The following RXFP2 variants were observed in gnomAD, a reference collection of about 807,000 sequenced individuals.
RXFP2 encodes the protein relaxin receptor 2.
Under a neutral mutation model 88.6 loss-of-function variants are expected in RXFP2, and 68 were observed. The observed-to-expected ratio is 0.77, with a 90% CI of 0.63 to 0.94. The LOEUF (loss-of-function observed/expected upper bound fraction) is 0.94. RXFP2 is among the 40% of genes least tolerant of loss of function. The pLI is 0.00. For missense variants in RXFP2, 791 were observed against 893.9 expected, an observed-to-expected ratio of 0.88 and a Z score of 1.47; for synonymous variants, 329 against 306.8, an observed-to-expected ratio of 1.07 and a Z score of -0.76.
At chr13:31,759,392 A>AGAAAGAAG (rs1181776818) in intron 2 of RXFP2, among the ~76,000 whole-genome samples, 1 of 143,010 alleles carries the variant, frequency 7.0e-6, no homozygotes, top group African/African-American at 2.6e-5. Flanking sequence ...AAAGAAAGAA[A>AGAAAGAAG]GAAAGAAAGA....
At position 31,789,125 on chromosome 13, in the gene RXFP2, C is replaced by G; in HGVS notation, c.1077C>G (p.Asp359Glu). 6.3e-7 allele frequency: 1 copy of G among 1,597,340 alleles called. No individual in the cohort carries two copies. The highest frequency in any genetic ancestry group is 8.6e-7 in the Non-Finnish European group (1 of 1,166,074). Residue 359 changes from aspartate to glutamate, a missense_variant, in exon 14 of 18, where the codon GAC (aspartate) becomes GAG (glutamate). Physicochemically the swap from Asp to Glu is conservative, Grantham distance 45. Transcript: ENST00000298386. ...FESLKQLQSLDLERIEIPNIN... is the reference protein window; with the variant it reads ...FESLKQLQSLELERIEIPNIN... ...ACCTATCGTGTGTATTTTCCAGAGA[C>G]CTGGAAAGGATAGAGATTCCAAATA...
At chr13:31,747,386 G>C (rs1011031725) in intron 1 of RXFP2, among the ~76,000 whole-genome samples, 1 of 152,102 alleles carries the variant, frequency 6.6e-6, no homozygotes, top group African/African-American at 2.4e-5. Context: ...TGAACCATTG[G>C]TGTAAGATAA....
chr13:31,767,767 A>G (rs956494307), intron 5 of RXFP2, among the ~76,000 whole-genome samples: 2 of 152,226 alleles, frequency 1.3e-5, no homozygotes, highest in Non-Finnish European at 2.9e-5. Flanking sequence ...TTACTTTACC[A>G]TAACAGGAAA....
chr13:31,772,668 G>A (rs1397221468), intron 5 of RXFP2, among the ~76,000 whole-genome samples: 1 of 152,172 alleles, frequency 6.6e-6, no homozygotes, highest in Admixed American at 6.5e-5. Context: ...GAACGTAGGA[G>A]GGACTACAGT....
intron 1 of RXFP2, among the ~76,000 whole-genome samples, chr13:31,757,071 A>G (rs1182664536): frequency 6.6e-6 from 1 of 152,234 alleles, no homozygotes; most frequent in Non-Finnish European, 1.5e-5. Context: ...ATCCATAGAT[A>G]TAATACTTTT....
At chr13:31,741,026 G>A (rs767043530) in intron 1 of RXFP2, among the ~76,000 whole-genome samples, 32 of 151,892 alleles carry the variant, frequency 2.1e-4, no homozygotes, top group Non-Finnish European at 3.4e-4. Flanking sequence ...TTTAATGTAC[G>A]GGACTATAAC....
At chr13:31,780,150 C>A (rs2138438108) in intron 9 of RXFP2, among the ~76,000 whole-genome samples, 1 of 152,302 alleles carries the variant, frequency 6.6e-6, no homozygotes, top group Middle Eastern at 3.4e-3. Flanking sequence ...CACTTATTTT[C>A]ACAATGGGCT....
At chr13:31,801,450 G>A (rs9549184) in intron 17 of RXFP2, among the ~76,000 whole-genome samples, 11,550 of 151,974 alleles carry the variant, frequency 0.076, 450 homozygotes, top group Middle Eastern at 0.13. Flanking sequence ...CTAAGTGTCC[G>A]GCCACAGGAT....
intron 16 of RXFP2, among the ~76,000 whole-genome samples, chr13:31,796,938 T>C (rs2138466609): frequency 6.6e-6 from 1 of 152,362 alleles, no homozygotes; most frequent in South Asian, 2.1e-4. Context: ...CTTTGTTTCA[T>C]GCCCAAAATT....
chr13:31,781,885 G>C (rs1873300227), intron 10 of RXFP2, 143 bp downstream of exon 10: 1 of 654,514 alleles, frequency 1.5e-6, no homozygotes, highest in Admixed American at 2.6e-5. Context: ...TGCACACACT[G>C]ATTTATTGAT....
At chr13:31,745,031 G>A (rs112980991) in intron 1 of RXFP2, among the ~76,000 whole-genome samples, 4,899 of 152,078 alleles carry the variant, frequency 0.032, 215 homozygotes, top group African/African-American at 0.097. Context: ...TTAGCCAGAC[G>A]TGGTGGTGCG....
At chr13:31,771,685 A>G (rs886079622) in intron 5 of RXFP2, among the ~76,000 whole-genome samples, 1 of 151,880 alleles carries the variant, frequency 6.6e-6, no homozygotes, top group African/African-American at 2.4e-5. Context: ...CCAGCTACTC[A>G]AGAGGGTGAG....
chr13:31,742,244 A>G (rs1169941558), intron 1 of RXFP2, among the ~76,000 whole-genome samples: 2 of 152,202 alleles, frequency 1.3e-5, no homozygotes, highest in African/African-American at 4.8e-5. Flanking sequence ...AAAATAGGTT[A>G]ACCAAAACCG....
intron 9 of RXFP2, among the ~76,000 whole-genome samples, 193 bp downstream of exon 9, chr13:31,778,776 G>C (rs1873117527): frequency 6.6e-6 from 1 of 152,014 alleles, no homozygotes; most frequent in African/African-American, 2.4e-5. Flanking sequence ...CCTTCCCTTT[G>C]AGCATCCAAG....
chr13:31,762,270 T>A (rs753712410), intron 3 of RXFP2, among the ~76,000 whole-genome samples: 3 of 152,174 alleles, frequency 2.0e-5, no homozygotes, highest in Non-Finnish European at 4.4e-5. Context: ...GAAGAAATGA[T>A]GGCTGTGCTG....
chr13:31,741,613 A>G (rs1473674270), intron 1 of RXFP2, among the ~76,000 whole-genome samples: 1 of 152,188 alleles, frequency 6.6e-6, no homozygotes, highest in Non-Finnish European at 1.5e-5. Flanking sequence ...AAAATTAGAA[A>G]TTATGTGATC....
At chr13:31,755,022 A>G (rs1343045933) in intron 1 of RXFP2, among the ~76,000 whole-genome samples, 1 of 152,214 alleles carries the variant, frequency 6.6e-6, no homozygotes, top group Non-Finnish European at 1.5e-5. Flanking sequence ...CACTCTCACC[A>G]CTTCATAAGC....
chr13:31,771,886 A>G (rs1276994104), intron 5 of RXFP2, among the ~76,000 whole-genome samples: 1 of 152,090 alleles, frequency 6.6e-6, no homozygotes, highest in Non-Finnish European at 1.5e-5. Flanking sequence ...ATTTAATGTC[A>G]AGAGGGTCTC....
intron 9 of RXFP2, among the ~76,000 whole-genome samples, chr13:31,780,285 G>T (rs1008602461): frequency 2.0e-5 from 3 of 152,178 alleles, no homozygotes; most frequent in African/African-American, 7.2e-5. Context: ...AGGAAGAAAG[G>T]CCAGACAGGA....
Sources: allele counts gnomAD v4.1 joint callset (sites outside exome capture counted in the v4.1 genomes callset), GRCh38; gene constraint gnomAD v4.1.1; transcripts MANE v1.5; gene names NCBI Gene and HGNC (gene_info 2026-07-23, HGNC 2026-07-21).